CYFIP2: variants seen among roughly 807,000 people sequenced by gnomAD.
CYFIP2 encodes cytoplasmic FMR1 interacting protein 2.
Under a neutral mutation model 158.7 loss-of-function variants are expected in CYFIP2, and 29 were observed. The observed-to-expected ratio is 0.18, with a 90% confidence interval of 0.14 to 0.25. The LOEUF (loss-of-function observed/expected upper bound fraction) is 0.25. Among genes scored for constraint, CYFIP2 ranks in the 10% least tolerant of loss-of-function variants. CYFIP2 has a pLI of 1.00. For missense variants in CYFIP2, 852 were observed against 1,639.5 expected (o/e 0.52, Z 8.29); for synonymous variants, 585 against 617.6 (o/e 0.95, Z 0.78).
intron 11 of CYFIP2, among the ~76,000 whole-genome samples, chr5:157,313,561 T>C (rs1759910735): frequency 6.6e-6 from 1 of 152,214 alleles, no homozygotes; most frequent in Non-Finnish European, 1.5e-5. Flanking sequence ...GCAGAGTCAC[T>C]TTGTCCGACT....
In CYFIP2 at chr5:157,285,661, G is replaced by T. The variant is rs145170129; in HGVS notation, c.117+183G>T. Among the ~76,000 whole-genome samples the T allele has an allele frequency of 2.3e-4, 35 of 152,316 alleles. No homozygotes were observed. In the East Asian group the frequency reaches 2.3e-3, roughly 10 times the overall value. On this transcript the variant is annotated intron_variant, in intron 2 of 30. Transcript: ENST00000620254. ...GAACAGATTAGCTACTAAATGTGCC[G>T]CAGGACTGTTTCCCTCCCTCCCCCA...
chr5:157,393,198 A>T lies in CYFIP2; in HGVS notation c.*198A>T. On this transcript the variant is annotated 3_prime_UTR_variant, in exon 31 of 31. Transcript: ENST00000620254. ...GACATCTCCATGCTGGTTTCTCCAT[A>T]GCATAAATGAAAAAAAAAAAAAAAA... 2.5e-6 allele frequency: 1 copy of T among 405,936 alleles called. No homozygotes were observed. The highest frequency in any genetic ancestry group is 4.2e-6 in the Non-Finnish European group (1 of 240,572). The allele number at this position is 405,936 out of a possible 1,614,324, so 25.1% of individuals were successfully genotyped here.
chr5:157,287,376 C>G (rs1757477345), intron 3 of CYFIP2, among the ~76,000 whole-genome samples: 1 of 152,184 alleles, frequency 6.6e-6, no homozygotes, highest in African/African-American at 2.4e-5. Context: ...TCTTGAGCTC[C>G]TATAGCTTTT....
intron 28 of CYFIP2, chr5:157,384,147 T>A: frequency 2.6e-5 from 10 of 380,524 alleles, no homozygotes; most frequent in South Asian, 2.0e-4. Context: ...TATATGTTAT[T>A]CTGTAATTGT....
chr5:157,282,149 A>G (rs1757035998), intron 1 of CYFIP2, among the ~76,000 whole-genome samples: 1 of 152,210 alleles, frequency 6.6e-6, no homozygotes, highest in African/African-American at 2.4e-5. Flanking sequence ...AAGAGGTTTA[A>G]TTGACCTCAA....
intron 11 of CYFIP2, among the ~76,000 whole-genome samples, chr5:157,313,516 A>G (rs974821367): frequency 6.6e-6 from 1 of 152,240 alleles, no homozygotes. Flanking sequence ...TTCAAAAAAG[A>G]CACTTGTTTA....
chr5:157,354,587 G>C (rs1008210761), intron 23 of CYFIP2, among the ~76,000 whole-genome samples: 1 of 151,900 alleles, frequency 6.6e-6, no homozygotes, highest in Non-Finnish European at 1.5e-5. Flanking sequence ...GGTCGGGGGG[G>C]ATTTTTTTTA....
chr5:157,310,697 T>G (rs746503202), intron 10 of CYFIP2, among the ~76,000 whole-genome samples: 3 of 152,144 alleles, frequency 2.0e-5, no homozygotes, highest in African/African-American at 4.8e-5. Context: ...GCTAGGGAAG[T>G]GACTGGGGTT....
At chr5:157,273,876 T>C (rs146902872) in intron 1 of CYFIP2, among the ~76,000 whole-genome samples, 4,572 of 152,292 alleles carry the variant, frequency 0.03, 110 homozygotes, top group South Asian at 0.058. Context: ...GGCTCATGTC[T>C]GTAACCCCAG....
chr5:157,322,238 G>T (rs557019102), intron 15 of CYFIP2, among the ~76,000 whole-genome samples: 29 of 152,292 alleles, frequency 1.9e-4, no homozygotes, highest in Non-Finnish European at 3.7e-4. Flanking sequence ...GAGAGGGGAA[G>T]TGACTTGTCC....
chr5:157,357,838 A>G (rs1763518465), intron 23 of CYFIP2, among the ~76,000 whole-genome samples: 1 of 151,776 alleles, frequency 6.6e-6, no homozygotes. Context: ...CAAAAAAAAA[A>G]CAAAGAAAAA....
intron 28 of CYFIP2, among the ~76,000 whole-genome samples, chr5:157,385,778 A>G (rs563609329): frequency 1.3e-5 from 2 of 152,292 alleles, no homozygotes; most frequent in East Asian, 3.9e-4. Flanking sequence ...TTGAGAAGGA[A>G]TATTGTTACA....
intron 23 of CYFIP2, among the ~76,000 whole-genome samples, chr5:157,343,842 A>G (rs924714829): frequency 6.6e-6 from 1 of 152,084 alleles, no homozygotes; most frequent in African/African-American, 2.4e-5. Context: ...GGATTTTCTT[A>G]AGGGGATTGT....
chr5:157,303,576 C>A (rs925665116), intron 7 of CYFIP2, among the ~76,000 whole-genome samples: 2 of 152,190 alleles, frequency 1.3e-5, no homozygotes, highest in African/African-American at 4.8e-5. Flanking sequence ...ATCCATATCA[C>A]GGAGGCCCTT....
intron 30 of CYFIP2, among the ~76,000 whole-genome samples, chr5:157,391,263 A>T (rs112537023): frequency 6.6e-6 from 1 of 152,182 alleles, no homozygotes; most frequent in Non-Finnish European, 1.5e-5. Flanking sequence ...GAGAGGAGAG[A>T]GAGGTAAGAG....
At position 157,300,620 on chromosome 5, in the gene CYFIP2, G is replaced by A. The variant is rs878897448; in HGVS notation, c.388-95G>A. 2.4e-5 allele frequency: 28 copies of A among 1,158,958 alleles called. 1 individual carries two copies. The highest frequency in any genetic ancestry group is 6.4e-4 in the Middle Eastern group (2 of 3,106). The allele number at this position is 1,158,958 out of a possible 1,614,324, so 71.8% of individuals were successfully genotyped here. A position where few individuals can be genotyped will look rare whatever the true frequency, so the allele number is the denominator to read the frequency against. On this transcript the variant is annotated intron_variant, in intron 5 of 30. Coordinates refer to ENST00000620254, the MANE Select transcript of CYFIP2 (RefSeq NM_001037333.3). ...ATTGCCTGGCAGATTTGCCTTTCTC[G>A]AGAGGGCTGGCTCTGAGGAGGGCCC...
intron 15 of CYFIP2, 70 bp downstream of exon 15, chr5:157,320,872 G>T: frequency 6.9e-7 from 1 of 1,450,538 alleles, no homozygotes; most frequent in Non-Finnish European, 9.1e-7. Context: ...GATCATCATG[G>T]CTGGCCATGG....
At chr5:157,326,129 G>A (rs1055294594) in intron 17 of CYFIP2, 42 bp from the exon 18 acceptor site, 2 of 1,419,840 alleles carry the variant, frequency 1.4e-6, no homozygotes, top group Non-Finnish European at 2.0e-6. Context: ...TTCCTTAAGG[G>A]GGGTTATTAG....
At chr5:157,372,217 A>C (rs1765057309) in intron 26 of CYFIP2, among the ~76,000 whole-genome samples, 1 of 152,256 alleles carries the variant, frequency 6.6e-6, no homozygotes, top group Admixed American at 6.5e-5. Flanking sequence ...TATCATATTA[A>C]GAAAATTTTA....
Sources: allele counts gnomAD v4.1 joint callset (sites outside exome capture counted in the v4.1 genomes callset), GRCh38; gene constraint gnomAD v4.1.1; transcripts MANE v1.5; gene names NCBI Gene and HGNC (gene_info 2026-07-23, HGNC 2026-07-21).